The following SLC25A40 variants were observed in gnomAD, a reference collection of about 807,000 sequenced individuals.
The protein encoded by SLC25A40 is mitochondrial glutathione transporter SLC25A40.
SLC25A40 carries 41 observed loss-of-function variants against 46.5 expected under a neutral mutation model. The ratio of observed to expected loss-of-function variants is 0.88; its 90% CI spans 0.69 to 1.14. The LOEUF is 1.14. Ranked by LOEUF, SLC25A40 falls within the 50% of genes most tolerant of loss-of-function variation. The pLI is 0.00. For missense variants in SLC25A40, 386 were observed against 393.6 expected (o/e 0.98, Z 0.16); for synonymous variants, 126 against 127.5 (o/e 0.99, Z 0.08).
chr7:87,859,563 ATAT>A (rs1369434344), intron 2 of SLC25A40, among the ~76,000 whole-genome samples: 2 of 152,200 alleles, frequency 1.3e-5, no homozygotes. Context: ...CAAATATTGT[ATAT>A]TAATCAAACA....
At chr7:87,846,782 A>G (rs1426684812) in intron 8 of SLC25A40, among the ~76,000 whole-genome samples, 167 bp downstream of exon 8, 1 of 152,238 alleles carries the variant, frequency 6.6e-6, no homozygotes, top group African/African-American at 2.4e-5. Context: ...TATTCATTCA[A>G]TAAAAGCTTG....
chr7:87,857,704 G>A (rs1838635492), intron 3 of SLC25A40, among the ~76,000 whole-genome samples: 1 of 152,064 alleles, frequency 6.6e-6, no homozygotes, highest in African/African-American at 2.4e-5. Flanking sequence ...TCACATCAGG[G>A]CCACTATGAT....
Position 87,858,631 on chromosome 7 carries a change from C to A in SLC25A40, c.97G>T (p.Val33Leu). 1 of 1,521,952 alleles carries A rather than the reference C, an allele frequency of 6.6e-7. No individual in the cohort carries two copies. The highest frequency in any genetic ancestry group is 1.1e-5 in the South Asian group (1 of 89,090). 94.3% of individuals were successfully genotyped at this position (1,521,952 alleles called of 1,614,324 possible). Residue 33 changes from valine to leucine, a missense_variant and splice_region_variant, in exon 3 of 12, where the codon GTG (valine) becomes TTG (leucine). Physicochemically the swap from Val to Leu is conservative, Grantham distance 32. Coordinates refer to ENST00000341119, the MANE Select transcript of SLC25A40 (RefSeq NM_018843.4). ...ATCTACATCAGTAACATAATTTTAC[C>A]TATTACTGATGTCAGTATAGCTCCA... Reference protein sequence around the residue: ...CTGAILTSVIVTPLDVVKIRL... With the variant: ...CTGAILTSVILTPLDVVKIRL...
At position 87,841,718 on chromosome 7, in the gene SLC25A40, T is replaced by C; in HGVS notation, c.742-4A>G. 1 of 1,490,532 alleles carries C rather than the reference T, an allele frequency of 6.7e-7. No individual in the cohort carries two copies. Among genetic ancestry groups the C allele is most frequent in the African/African-American group, 1.4e-5 (1 of 70,478 alleles). The allele number at this position is 1,490,532 out of a possible 1,614,324, so 92.3% of individuals were successfully genotyped here. A position where few individuals can be genotyped will look rare whatever the true frequency, so the allele number is the denominator to read the frequency against. On this transcript the variant is annotated splice_region_variant and splice_polypyrimidine_tract_variant and intron_variant, in intron 9 of 11. Transcript: ENST00000341119. The stretch of plus-strand genomic sequence containing the variant: ...GTAAAGTTGCAACAGCAGCAAACTA[T>C]CAGAAAGTAAAATTGATTAATTTCA...
At chr7:87,857,819 G>A (rs1226274973) in intron 3 of SLC25A40, among the ~76,000 whole-genome samples, 1 of 152,226 alleles carries the variant, frequency 6.6e-6, no homozygotes, top group Non-Finnish European at 1.5e-5. Context: ...TAGGGAACAA[G>A]GGAAGACAAC....
chr7:87,862,415 G>A (rs992859496), intron 1 of SLC25A40, among the ~76,000 whole-genome samples: 1 of 152,044 alleles, frequency 6.6e-6, no homozygotes, highest in African/African-American at 2.4e-5. Flanking sequence ...ACTAACCAAG[G>A]TGGTCTTCAA....
At chr7:87,837,626 A>G (rs1392104905) in intron 10 of SLC25A40, among the ~76,000 whole-genome samples, 1 of 151,414 alleles carries the variant, frequency 6.6e-6, no homozygotes, top group East Asian at 1.9e-4. Context: ...TTATGAATAT[A>G]ATGTTTATAA....
rs116482963 is a variant in SLC25A40, at chr7:87,861,282, G to A, written c.-93-642C>T. On this transcript the variant is annotated intron_variant, in intron 1 of 11. Transcript: ENST00000341119. ...AAGAGTCAACCACCAAAAGAACCCT[G>A]GTTCAAACAAACAAATTTTTCCAGT... Among the ~76,000 whole-genome samples the A allele has an allele frequency of 3.8e-3, 576 of 152,198 alleles. 3 individuals are homozygous for A. The highest frequency in any genetic ancestry group is 0.013 in the African/African-American group (555 of 41,510).
chr7:87,854,263 A>G lies in SLC25A40; in HGVS notation c.205T>C (p.Cys69Arg). The part of the protein sequence containing the change: ...SNGLMDHLCV[C>R]EEGGNKLWYK... ...CATAGTTTGTTGCCTCCCTCTTCAC[A>G]GACACATAGATGATCCATGAGTCCA... The change falls in exon 5 of 12, where the codon TGT becomes CGT. Residue 69 changes from cysteine (C) to arginine (R), a missense_variant. By Grantham distance (180) the Cys-to-Arg change is radical. Coordinates refer to ENST00000341119, the MANE Select transcript of SLC25A40 (RefSeq NM_018843.4). 1 of 1,613,540 alleles carries G rather than the reference A, an allele frequency of 6.2e-7. No individual in the cohort carries two copies. Among genetic ancestry groups the G allele is most frequent in the East Asian group, 2.2e-5 (1 of 44,784 alleles).
intron 1 of SLC25A40, among the ~76,000 whole-genome samples, chr7:87,869,284 G>A (rs1370786306): frequency 6.6e-6 from 1 of 150,594 alleles, no homozygotes; most frequent in African/African-American, 2.5e-5. Flanking sequence ...CTAGCACTTT[G>A]GGGGGCCGAG....
chr7:87,858,153 CT>C (rs1433021089), intron 3 of SLC25A40, among the ~76,000 whole-genome samples: 4 of 152,196 alleles, frequency 2.6e-5, no homozygotes, highest in African/African-American at 9.7e-5. Flanking sequence ...CTCAAACCCT[CT>C]TTTCTGTTGT....
In SLC25A40 at chr7:87,854,262, C is replaced by G. The variant is rs1021091982; in HGVS notation, c.206G>C (p.Cys69Ser). The G allele has an allele frequency of 6.2e-7, 1 of 1,613,504 alleles. No individual in the cohort carries two copies. Among genetic ancestry groups the G allele is most frequent in the South Asian group, 1.1e-5 (1 of 91,052 alleles). The part of the protein sequence containing the change: ...SNGLMDHLCV[C>S]EEGGNKLWYK... ...CCATAGTTTGTTGCCTCCCTCTTCA[C>G]AGACACATAGATGATCCATGAGTCC... Residue 69 changes from cysteine (C) to serine (S), a missense_variant, in exon 5 of 12, where the codon TGT (cysteine) becomes TCT (serine). Coordinates refer to ENST00000341119, the MANE Select transcript of SLC25A40 (RefSeq NM_018843.4).
intron 8 of SLC25A40, among the ~76,000 whole-genome samples, chr7:87,845,893 AG>A (rs1473651296): frequency 6.6e-6 from 1 of 152,162 alleles, no homozygotes; most frequent in Non-Finnish European, 1.5e-5. Context: ...CATTGCTGGT[AG>A]GTATGTAGAT....
At chr7:87,846,412 AG>A (rs1838421545) in intron 8 of SLC25A40, among the ~76,000 whole-genome samples, 1 of 152,182 alleles carries the variant, frequency 6.6e-6, no homozygotes, top group Non-Finnish European at 1.5e-5. Context: ...ACATTCTGTA[AG>A]TTACTGGTAG....
At chr7:87,849,975 T>C (rs1838484337) in intron 5 of SLC25A40, 27 bp from the exon 6 acceptor site, 1 of 1,401,784 alleles carries the variant, frequency 7.1e-7, no homozygotes, top group Non-Finnish European at 9.9e-7. Flanking sequence ...AAAAAAGTAA[T>C]CAAAATATAT....
intron 1 of SLC25A40, among the ~76,000 whole-genome samples, chr7:87,865,547 G>A (rs1012177809): frequency 2.0e-5 from 3 of 152,184 alleles, no homozygotes; most frequent in Non-Finnish European, 4.4e-5. Context: ...AAGGCAGGCG[G>A]ATCACTTAAG....
chr7:87,855,197 C>A (rs928830647), intron 4 of SLC25A40, among the ~76,000 whole-genome samples: 2 of 150,338 alleles, frequency 1.3e-5, no homozygotes, highest in African/African-American at 4.9e-5. Context: ...AAAATAACTT[C>A]TTTTAAGTTA....
At chr7:87,856,533 A>G in intron 3 of SLC25A40, 182 bp from the exon 4 acceptor site, 4 of 660,310 alleles carry the variant, frequency 6.1e-6, no homozygotes, top group South Asian at 5.2e-5. Context: ...AATTTTGTTA[A>G]TCAGTGAAAG....
chr7:87,847,706 T>C (rs1838442448), intron 7 of SLC25A40, 147 bp downstream of exon 7: 1 of 712,604 alleles, frequency 1.4e-6, no homozygotes, highest in Admixed American at 3.9e-5. Flanking sequence ...CTGGAGTACC[T>C]ATACTATATT....
Sources: allele counts gnomAD v4.1 joint callset (sites outside exome capture counted in the v4.1 genomes callset), GRCh38; gene constraint gnomAD v4.1.1; transcripts MANE v1.5; gene names NCBI Gene and HGNC (gene_info 2026-07-23, HGNC 2026-07-21).